Variants in AMPD2 observed in about 807,000 individuals in gnomAD.
AMPD2 encodes the protein adenosine monophosphate deaminase 2.
A neutral mutation model predicts 91.3 loss-of-function variants in AMPD2; 52 were observed. That is an observed-to-expected ratio of 0.57 (90% confidence interval 0.46 to 0.72). AMPD2 has a LOEUF of 0.72. AMPD2 is among the 30% of genes least tolerant of loss of function. The pLI is 0.00. For missense variants in AMPD2, 822 were observed against 1,122.3 expected (o/e 0.73, Z 3.82); for synonymous variants, 455 against 456.4 (o/e 1.00, Z 0.04).
At chr1:109,620,342 G>A (rs376925398) in intron 1 of AMPD2, 64 bp downstream of exon 1, 341 of 1,603,586 alleles carry the variant, frequency 2.1e-4, no homozygotes, top group Non-Finnish European at 2.8e-4. Flanking sequence ...TGGCCAGAGT[G>A]ACAAGAGGGT....
In AMPD2 at chr1:109,620,116, A is replaced by G. The variant is rs1650119821; in HGVS notation, c.-425A>G. The G allele has an allele frequency of 9.1e-7, 1 of 1,097,178 alleles. No homozygotes were observed. Among genetic ancestry groups the G allele is most frequent in the Non-Finnish European group, 1.4e-6 (1 of 736,090 alleles). 68.0% of individuals were successfully genotyped at this position (1,097,178 alleles called of 1,614,324 possible). On this transcript the variant is annotated 5_prime_UTR_variant, in exon 1 of 19. Transcript: ENST00000528667. ...TCCGGCCAGCTGGCAATTTTGAAAGACTGCCTTACTTTCCCCATCTCAGTG... is the reference window on the plus strand; with the variant it reads ...TCCGGCCAGCTGGCAATTTTGAAAGGCTGCCTTACTTTCCCCATCTCAGTG...
rs1490796544 is a variant in AMPD2, at chr1:109,626,769, G to A, written c.575G>A (p.Arg192Gln). 6.2e-7 allele frequency: 1 copy of A among 1,613,894 alleles called. No homozygotes were observed. Among genetic ancestry groups the A allele is most frequent in the African/African-American group, 1.3e-5 (1 of 75,004 alleles). Reference protein sequence around the residue: ...DLLDAAKSVVRALFIREKYMA... With the variant: ...DLLDAAKSVVQALFIREKYMA... ...CTGGATGCAGCCAAGAGTGTGGTGC[G>A]GGCGCTCTTCATCCGGGAGAAGTAC... The change falls in exon 7 of 19, where the codon CGG becomes CAG. Residue 192 changes from arginine to glutamine, a missense_variant. Physicochemically the swap from Arg to Gln is conservative, Grantham distance 43. Transcript: ENST00000528667.
intron 2 of AMPD2, chr1:109,622,383 AG>A (rs943354128): frequency 2.3e-6 from 1 of 441,720 alleles, no homozygotes; most frequent in African/African-American, 2.0e-5. Flanking sequence ...GTGGGGTCAA[AG>A]CCGTGGACAC....
Position 109,628,578 on chromosome 1 carries a change from G to A in AMPD2, c.1408-65G>A, listed in dbSNP as rs1455927389. 24 of 1,611,128 alleles carry A rather than the reference G, an allele frequency of 1.5e-5. No homozygotes were observed. The highest frequency in any genetic ancestry group is 2.0e-5 in the Non-Finnish European group (23 of 1,178,274). On this transcript the variant is annotated intron_variant, in intron 12 of 18. Coordinates refer to ENST00000528667, the MANE Select transcript of AMPD2 (RefSeq NM_001368809.2). The surrounding 1 kb of genome is among the most constrained non-coding windows in gnomAD (Gnocchi z 7.1). Reference sequence around the variant, plus strand: ...GGGTGAGACTCAAGGAGGGTAGGCAGATGACCCCCTGAAGAGCTCTGACTC... The same window carrying A: ...GGGTGAGACTCAAGGAGGGTAGGCAAATGACCCCCTGAAGAGCTCTGACTC...
intron 2 of AMPD2, among the ~76,000 whole-genome samples, chr1:109,623,289 C>T (rs556390586): frequency 1.3e-5 from 2 of 152,332 alleles, no homozygotes; most frequent in East Asian, 3.9e-4. Flanking sequence ...GACCCAAAGC[C>T]TCCCAGAGGT....
chr1:109,628,577 A>G lies in AMPD2; in HGVS notation c.1408-66A>G, dbSNP rs879197524. ...GGGGTGAGACTCAAGGAGGGTAGGC[A>G]GATGACCCCCTGAAGAGCTCTGACT... On this transcript the variant is annotated intron_variant, in intron 12 of 18. Transcript: ENST00000528667. This position sits in a 1 kb window ranked among gnomAD's most constrained non-coding sequence, Gnocchi z 7.1. 6.2e-6 allele frequency: 10 copies of G among 1,611,170 alleles called. No homozygotes were observed. The South Asian group carries it at 1.1e-4, about 18-fold the overall frequency.
At position 109,628,336 on chromosome 1, in the gene AMPD2, G is replaced by A. The variant is rs1650899614; in HGVS notation, c.1276-28G>A. ...TCAGTCAGGGGACCAGGAGTCACGG[G>A]TGACCTGAGCCTTCCCATGTCCCCC... On this transcript the variant is annotated intron_variant, in intron 11 of 18. Coordinates refer to ENST00000528667, the MANE Select transcript of AMPD2 (RefSeq NM_001368809.2). This position sits in a 1 kb window ranked among gnomAD's most constrained non-coding sequence, Gnocchi z 7.1. The A allele has an allele frequency of 6.2e-7, 1 of 1,613,714 alleles. No homozygotes were observed. The highest frequency in any genetic ancestry group is 1.7e-5 in the Admixed American group (1 of 59,998).
intron 9 of AMPD2, 83 bp from the exon 10 acceptor site, chr1:109,627,691 G>A: frequency 6.3e-7 from 1 of 1,575,744 alleles, no homozygotes; most frequent in Non-Finnish European, 8.7e-7. Flanking sequence ...CCTCCCACCT[G>A]CTCCCTCTGA....
rs1650205872 is a variant in AMPD2, at chr1:109,621,077, C to T, written c.-99C>T. The T allele has an allele frequency of 1.2e-6, 2 of 1,610,066 alleles. No homozygotes were observed. The highest frequency in any genetic ancestry group is 1.7e-6 in the Non-Finnish European group (2 of 1,178,830). ...CCGCTGCTTCCTGCATCAGTCACTC[C>T]CGCTGGGGGCGGGGCGGAGGAAGGG... On this transcript the variant is annotated 5_prime_UTR_variant, in exon 2 of 19. Coordinates refer to ENST00000528667, the MANE Select transcript of AMPD2 (RefSeq NM_001368809.2).
At position 109,629,248 on chromosome 1, in the gene AMPD2, C is replaced by T. The variant is rs370386529; in HGVS notation, c.1698+13C>T. 1.2e-5 allele frequency: 20 copies of T among 1,613,964 alleles called. No individual in the cohort carries two copies. Among genetic ancestry groups the T allele is most frequent in the Middle Eastern group, 1.6e-4 (1 of 6,082 alleles). On this transcript the variant is annotated intron_variant, in intron 14 of 18. Transcript: ENST00000528667. ...CTTCTTAGAGCACGTGAGCAGGCAGCGCAGAGCTGGGTATGGGGAGGGCAG... is the reference window on the plus strand; with the variant it reads ...CTTCTTAGAGCACGTGAGCAGGCAGTGCAGAGCTGGGTATGGGGAGGGCAG...
chr1:109,626,894 G>A lies in AMPD2; in HGVS notation c.700G>A (p.Asp234Asn), dbSNP rs554958089. ...GACCCGGACCTATGAACAGGGCCCC[G>A]ACACCCCTGTGTCTGCTGGTGGGAC... ...LETRTYEQGP[D>N]TPVSADAPVH... The change falls in exon 7 of 19, where the codon GAC (aspartate) becomes AAC (asparagine). Residue 234 changes from aspartate to asparagine, a missense_variant. Coordinates refer to ENST00000528667, the MANE Select transcript of AMPD2 (RefSeq NM_001368809.2). 1.6e-5 allele frequency: 26 copies of A among 1,613,038 alleles called. No individual in the cohort carries two copies. Among genetic ancestry groups the A allele is most frequent in the South Asian group, 1.1e-4 (10 of 91,018 alleles).
intron 1 of AMPD2, 97 bp downstream of exon 1, chr1:109,620,375 G>A: frequency 6.4e-7 from 1 of 1,557,004 alleles, no homozygotes; most frequent in Non-Finnish European, 8.8e-7. Flanking sequence ...ACAGCAGCAG[G>A]ACCTAGGGAA....
Position 109,627,326 on chromosome 1 carries a change from G to T in AMPD2, c.860+10G>T. The T allele has an allele frequency of 3.1e-6, 5 of 1,607,170 alleles. No individual in the cohort carries two copies. The highest frequency in any genetic ancestry group is 4.3e-6 in the Non-Finnish European group (5 of 1,175,046). On this transcript the variant is annotated intron_variant, in intron 8 of 18. Coordinates refer to ENST00000528667, the MANE Select transcript of AMPD2 (RefSeq NM_001368809.2). ...GGGAACCCGACGAGCAGTAAGAGGG[G>T]TGTGGTGCATGTTGGGGGGATGCAG...
In AMPD2 at chr1:109,628,789, G is replaced by A. The variant is rs1213190604; in HGVS notation, c.1554G>A (p.Val518=). The part of the protein sequence containing the change: ...RVHSPNVRWL[V]QVPRLFDVYR... ...ACTCCCCCAACGTGCGCTGGCTGGT[G>A]CAGGTGCCCCGCCTCTTGTGAGTGT... The change falls in exon 13 of 19, where the codon GTG becomes GTA. Residue 518 remains valine, a synonymous_variant. Transcript: ENST00000528667. This position sits in a 1 kb window ranked among gnomAD's most constrained non-coding sequence, Gnocchi z 7.1. The A allele has an allele frequency of 1.9e-6, 3 of 1,566,066 alleles. No individual in the cohort carries two copies. The Admixed American group carries it at 5.7e-5, about 30-fold the overall frequency.
chr1:109,620,788 A>G, intron 1 of AMPD2, 126 bp from the exon 2 acceptor site: 1 of 1,318,910 alleles, frequency 7.6e-7, no homozygotes, highest in Non-Finnish European at 9.7e-7. Flanking sequence ...GCTAGCCTGG[A>G]CTTTGGCTTC....
chr1:109,625,589 C>T lies in AMPD2; in HGVS notation c.223-73C>T, dbSNP rs375173657. The T allele has an allele frequency of 1.4e-4, 229 of 1,600,576 alleles. No homozygotes were observed. The highest frequency in any genetic ancestry group is 1.9e-4 in the Non-Finnish European group (217 of 1,170,092). On this transcript the variant is annotated intron_variant, in intron 3 of 18. Coordinates refer to ENST00000528667, the MANE Select transcript of AMPD2 (RefSeq NM_001368809.2). The surrounding 1 kb of genome is among the most constrained non-coding windows in gnomAD (Gnocchi z 4.0). ...ACCCCTGGTCCTGCTGCCCTCACCC[C>T]ATCCCCAGACTCTGTAGGAGAGTGC... is the stretch of plus-strand genomic sequence containing the variant.
At position 109,628,887 on chromosome 1, in the gene AMPD2, G is replaced by A; in HGVS notation, c.1571+81G>A. ...GCCTGCCTCCTGCCCTCCTAGGATG[G>A]CTGAGCCTCCCTTGTCCCTGCCAAC... On this transcript the variant is annotated intron_variant, in intron 13 of 18. Transcript: ENST00000528667. This position sits in a 1 kb window ranked among gnomAD's most constrained non-coding sequence, Gnocchi z 7.1. 6.7e-7 allele frequency: 1 copy of A among 1,493,868 alleles called. No individual in the cohort carries two copies. Among genetic ancestry groups the A allele is most frequent in the Non-Finnish European group, 9.0e-7 (1 of 1,115,240 alleles). 92.5% of individuals were successfully genotyped at this position (1,493,868 alleles called of 1,614,324 possible).
At position 109,631,380 on chromosome 1, in the gene AMPD2, C is replaced by T; in HGVS notation, c.*228C>T. 3.4e-6 allele frequency: 2 copies of T among 588,446 alleles called. No individual in the cohort carries two copies. The highest frequency in any genetic ancestry group is 6.0e-6 in the Non-Finnish European group (2 of 331,124). The allele number at this position is 588,446 out of a possible 1,614,324, so 36.5% of individuals were successfully genotyped here. Reference sequence around the variant, plus strand: ...AGCCTGATGGCCCAGGTATTGAGGGCCTCCCCTGCTGGTGGCCCTGTCCTG... The same window carrying T: ...AGCCTGATGGCCCAGGTATTGAGGGTCTCCCCTGCTGGTGGCCCTGTCCTG... On this transcript the variant is annotated 3_prime_UTR_variant, in exon 19 of 19. Transcript: ENST00000528667.
Position 109,621,281 on chromosome 1 carries a change from C to T in AMPD2, c.91+15C>T. 1 of 1,611,636 alleles carries T rather than the reference C, an allele frequency of 6.2e-7. No homozygotes were observed. The highest frequency in any genetic ancestry group is 8.5e-7 in the Non-Finnish European group (1 of 1,179,026). On this transcript the variant is annotated intron_variant, in intron 2 of 18. Transcript: ENST00000528667. ...TGCAGCTCCAGGTGAGTGTGTGCTT[C>T]CTGGCCTCAGGATAGATGCTGGGCT...
Sources: gnomAD v4.1 joint callset for allele counts (sites outside exome capture counted in the v4.1 genomes callset) on GRCh38, gnomAD v4.1.1 for gene constraint, Gnocchi (gnomAD v3.1) non-coding constraint, MANE v1.5 for transcripts, NCBI Gene and HGNC (gene_info 2026-07-23, HGNC 2026-07-21) for gene names.